JARID2: variants seen among roughly 807,000 people sequenced by gnomAD.
JARID2 encodes the protein protein Jumonji.
A neutral mutation model predicts 125.6 loss-of-function variants in JARID2; 21 were observed. That is an observed-to-expected ratio of 0.17 (90% confidence interval 0.12 to 0.24). The LOEUF is 0.24. Among genes scored for constraint, JARID2 ranks in the 10% least tolerant of loss-of-function variants. JARID2 has a pLI of 1.00. For missense variants in JARID2, 1,303 were observed against 1,639.6 expected, an observed-to-expected ratio of 0.79 and a Z score of 3.55; for synonymous variants, 736 against 661.6, an observed-to-expected ratio of 1.11 and a Z score of -1.73.
chr6:15,474,933 G>C (rs1335664134), intron 5 of JARID2, among the ~76,000 whole-genome samples: 1 of 152,166 alleles, frequency 6.6e-6, no homozygotes, highest in African/African-American at 2.4e-5. Context: ...TCCAAGCAAA[G>C]GCTGAGTTGC....
intron 3 of JARID2, among the ~76,000 whole-genome samples, chr6:15,414,112 C>G (rs1766022558): frequency 6.6e-6 from 1 of 152,054 alleles, no homozygotes; most frequent in South Asian, 2.1e-4. Flanking sequence ...TGCCTTTTGT[C>G]TACAGTAGGG....
At position 15,517,190 on chromosome 6, in the gene JARID2, C is replaced by A; in HGVS notation, c.3480C>A (p.Phe1160Leu). Residue 1160 changes from phenylalanine (F) to leucine (L), a missense_variant, in exon 17 of 18, where the codon TTC becomes TTA. Around this residue, in one of 11 missense-constraint regions of JARID2, gnomAD observed 190 missense variants for 341.4 expected, o/e 0.56. Transcript: ENST00000341776. ...MVVQENENVV[F>L]CLECALRHVE... The stretch of plus-strand genomic sequence containing the variant: ...TACAAGAGAACGAAAACGTCGTGTT[C>A]TGTCTGGAGTGTGCTCTGCGCCACG... 6.2e-7 allele frequency: 1 copy of A among 1,614,072 alleles called. No individual in the cohort carries two copies. The highest frequency in any genetic ancestry group is 1.1e-5 in the South Asian group (1 of 91,084).
At chr6:15,255,492 A>C (rs1759629541) in intron 1 of JARID2, among the ~76,000 whole-genome samples, 1 of 152,134 alleles carries the variant, frequency 6.6e-6, no homozygotes, top group African/African-American at 2.4e-5. Flanking sequence ...GTCTACCTGG[A>C]GACCTGGTTT....
intron 4 of JARID2, among the ~76,000 whole-genome samples, chr6:15,462,587 G>A (rs910068096): frequency 2.6e-5 from 4 of 152,138 alleles, no homozygotes; most frequent in African/African-American, 9.7e-5. Flanking sequence ...TTTGATAGTC[G>A]GGGTTGATTA....
At chr6:15,266,129 G>A (rs1212955900) in intron 1 of JARID2, among the ~76,000 whole-genome samples, 1 of 152,140 alleles carries the variant, frequency 6.6e-6, no homozygotes, top group Non-Finnish European at 1.5e-5. Context: ...GGAGACATTT[G>A]TGTCTTCCCA....
intron 12 of JARID2, among the ~76,000 whole-genome samples, chr6:15,510,869 G>T (rs1400978826): frequency 2.6e-5 from 4 of 152,256 alleles, no homozygotes; most frequent in African/African-American, 9.6e-5. Flanking sequence ...TCCTTGTGAG[G>T]ACATTATCAG....
At chr6:15,481,614 G>A (rs147237452) in intron 5 of JARID2, among the ~76,000 whole-genome samples, 1 of 152,086 alleles carries the variant, frequency 6.6e-6, no homozygotes, top group Non-Finnish European at 1.5e-5. Context: ...GGCTCTGTCG[G>A]TGTTGCCCAG....
chr6:15,488,493 A>G (rs1357930974), intron 6 of JARID2, among the ~76,000 whole-genome samples: 1 of 152,230 alleles, frequency 6.6e-6, no homozygotes, highest in African/African-American at 2.4e-5. Context: ...GGAGGCTATG[A>G]TCCTTAAAGG....
intron 1 of JARID2, among the ~76,000 whole-genome samples, chr6:15,318,522 G>T (rs1162711448): frequency 6.6e-6 from 1 of 152,190 alleles, no homozygotes; most frequent in Non-Finnish European, 1.5e-5. Flanking sequence ...CTGGAGAAAA[G>T]CTGCCTTTGC....
chr6:15,293,081 A>G (rs1761285565), intron 1 of JARID2, among the ~76,000 whole-genome samples: 2 of 152,234 alleles, frequency 1.3e-5, no homozygotes. Context: ...CTGCTTGGGA[A>G]GTTGATCTTT....
chr6:15,467,070 T>C (rs1318669302), intron 4 of JARID2, among the ~76,000 whole-genome samples: 3 of 151,866 alleles, frequency 2.0e-5, no homozygotes, highest in Non-Finnish European at 4.4e-5. Flanking sequence ...ATTTGGGGGG[T>C]TTTTGAACAT....
At chr6:15,309,469 A>G (rs1281497883) in intron 1 of JARID2, among the ~76,000 whole-genome samples, 2 of 152,148 alleles carry the variant, frequency 1.3e-5, no homozygotes, top group Admixed American at 1.3e-4. Context: ...AATGGAAACC[A>G]ATAGGGGATT....
chr6:15,503,411 C>G (rs141215562), intron 8 of JARID2, among the ~76,000 whole-genome samples: 24 of 152,358 alleles, frequency 1.6e-4, no homozygotes, highest in Non-Finnish European at 3.4e-4. Context: ...CCAATGTCTC[C>G]ATGCCGACTA....
At chr6:15,490,203 A>C (rs1056624271) in intron 6 of JARID2, among the ~76,000 whole-genome samples, 1 of 152,240 alleles carries the variant, frequency 6.6e-6, no homozygotes, top group Non-Finnish European at 1.5e-5. Context: ...TTTCAACTGC[A>C]TGAAAGATAT....
chr6:15,327,177 G>C (rs1417476582), intron 1 of JARID2, among the ~76,000 whole-genome samples: 1 of 151,904 alleles, frequency 6.6e-6, no homozygotes, highest in African/African-American at 2.4e-5. Flanking sequence ...TTTTGGGGTT[G>C]GTGCTGTTTC....
rs370928834 is a variant in JARID2 at position 15,513,447 on chromosome 6, G to A, written c.3450+25G>A. The A allele has an allele frequency of 4.7e-5, 73 of 1,550,246 alleles. No individual in the cohort carries two copies. The South Asian group carries it at 5.4e-4, about 12-fold the overall frequency. On this transcript the variant is annotated intron_variant, in intron 16 of 17. Coordinates refer to ENST00000341776, the MANE Select transcript of JARID2 (RefSeq NM_004973.4). The stretch of plus-strand genomic sequence containing the variant: ...GGTGAGCCCGCCTGGCCCTGCCGGC[G>A]CCCTCGCATGTAGTGCTTGGCCTGA...
intron 3 of JARID2, among the ~76,000 whole-genome samples, chr6:15,449,216 A>G (rs1337077061): frequency 1.3e-5 from 2 of 152,136 alleles, no homozygotes; most frequent in African/African-American, 4.8e-5. Flanking sequence ...TGACATAGAG[A>G]TAGTGGCATT....
At chr6:15,416,460 C>T (rs1020414559) in intron 3 of JARID2, among the ~76,000 whole-genome samples, 7 of 152,136 alleles carry the variant, frequency 4.6e-5, no homozygotes, top group South Asian at 2.1e-4. Context: ...CCGAGGCTGG[C>T]GGATCACTCG....
intron 2 of JARID2, among the ~76,000 whole-genome samples, chr6:15,401,876 C>T (rs1440803380): frequency 1.4e-5 from 2 of 138,896 alleles, no homozygotes; most frequent in Admixed American, 7.2e-5. Context: ...GTAGGCCTTT[C>T]TGAAGTTATT....
Sources: gnomAD v4.1 joint callset for allele counts (sites outside exome capture counted in the v4.1 genomes callset) on GRCh38, gnomAD v4.1.1 for gene constraint, gnomAD v4.1.1 regional missense constraint, MANE v1.5 for transcripts, NCBI Gene and HGNC (gene_info 2026-07-23, HGNC 2026-07-21) for gene names.